The following ADAMTSL1 variants were observed in gnomAD, a reference collection of about 807,000 sequenced individuals.
ADAMTSL1 encodes the protein ADAMTS-like protein 1.
In ADAMTSL1, 126 loss-of-function variants were observed where a neutral mutation model predicts 201.8. The ratio of observed to expected loss-of-function variants is 0.62; its 90% CI spans 0.54 to 0.72. The LOEUF (loss-of-function observed/expected upper bound fraction) is 0.72. Ranked by LOEUF, ADAMTSL1 falls within the 30% of genes least tolerant of loss-of-function variation. The pLI is 0.00. For missense variants in ADAMTSL1, 2,679 were observed against 2,277.8 expected (o/e 1.18, Z -3.59); for synonymous variants, 1,121 against 903.4 (o/e 1.24, Z -4.32).
chr9:18,703,701 C>CATATAT (rs72258520), intron 13 of ADAMTSL1, among the ~76,000 whole-genome samples: 1,181 of 78,692 alleles, frequency 0.015, 48 homozygotes, highest in African/African-American at 0.027. Flanking sequence ...TGCGCACATA[C>CATATAT]ATATATATAT....
At chr9:18,567,235 C>T (rs929823079) in intron 3 of ADAMTSL1, among the ~76,000 whole-genome samples, 10 of 152,086 alleles carry the variant, frequency 6.6e-5, no homozygotes, top group African/African-American at 2.4e-4. Context: ...GAGGCTGAGG[C>T]AGGTGGATCT....
At chr9:18,000,413 T>G (rs1247881547) in intron 1 of ADAMTSL1, among the ~76,000 whole-genome samples, 4 of 152,024 alleles carry the variant, frequency 2.6e-5, no homozygotes, top group African/African-American at 9.6e-5. Context: ...CCACCCCTCA[T>G]CCGGTTTTCT....
At chr9:18,684,412 C>A (rs868217803) in intron 12 of ADAMTSL1, among the ~76,000 whole-genome samples, 1 of 152,126 alleles carries the variant, frequency 6.6e-6, no homozygotes, top group African/African-American at 2.4e-5. Context: ...AAAGATACTT[C>A]GATGATTCTT....
At chr9:18,223,610 T>C (rs1052821484) in intron 2 of ADAMTSL1, among the ~76,000 whole-genome samples, 1 of 152,174 alleles carries the variant, frequency 6.6e-6, no homozygotes, top group Non-Finnish European at 1.5e-5. Context: ...ATTTTTCAAA[T>C]ATGCTTAGTT....
chr9:18,406,125 C>T (rs975791667), intron 2 of ADAMTSL1, among the ~76,000 whole-genome samples: 1 of 152,186 alleles, frequency 6.6e-6, no homozygotes, highest in Non-Finnish European at 1.5e-5. Context: ...ATCTTCTCTT[C>T]ACTAATTCAT....
At chr9:18,162,468 G>A (rs542130087) in intron 1 of ADAMTSL1, among the ~76,000 whole-genome samples, 9 of 152,030 alleles carry the variant, frequency 5.9e-5, no homozygotes, top group East Asian at 1.9e-4. Flanking sequence ...GGTGCTGGGG[G>A]CCAAGATTCT....
intron 1 of ADAMTSL1, among the ~76,000 whole-genome samples, chr9:17,937,199 G>C (rs1827043798): frequency 6.6e-6 from 1 of 152,114 alleles, no homozygotes; most frequent in Non-Finnish European, 1.5e-5. Flanking sequence ...GCTGCAGATA[G>C]TGATGAAGGA....
chr9:17,960,085 A>G (rs192723287), intron 1 of ADAMTSL1, among the ~76,000 whole-genome samples: 21 of 152,264 alleles, frequency 1.4e-4, no homozygotes, highest in Admixed American at 1.2e-3. Context: ...TGGCTTCATG[A>G]TCCTTAGCTC....
At chr9:18,095,088 A>G (rs184165780) in intron 1 of ADAMTSL1, among the ~76,000 whole-genome samples, 265 of 152,320 alleles carry the variant, frequency 1.7e-3, no homozygotes, top group Middle Eastern at 6.8e-3. Context: ...CGCAGCTTAC[A>G]GAGACACCTG....
chr9:18,089,671 A>T (rs1404816389), intron 1 of ADAMTSL1, among the ~76,000 whole-genome samples: 1 of 152,208 alleles, frequency 6.6e-6, no homozygotes, highest in East Asian at 1.9e-4. Flanking sequence ...CAGTCACAGA[A>T]TGACAAATAT....
intron 1 of ADAMTSL1, among the ~76,000 whole-genome samples, chr9:17,928,768 T>C (rs895314432): frequency 3.3e-5 from 5 of 152,268 alleles, no homozygotes; most frequent in African/African-American, 1.2e-4. Flanking sequence ...AAATAAATTA[T>C]ATATTTTTTG....
intron 1 of ADAMTSL1, among the ~76,000 whole-genome samples, chr9:17,972,178 TA>T (rs1818230425): frequency 6.6e-6 from 1 of 150,916 alleles, no homozygotes; most frequent in African/African-American, 2.4e-5. Flanking sequence ...TTATTATTAT[TA>T]TACTTTAAGT....
chr9:18,578,677 C>T (rs112460272), intron 4 of ADAMTSL1, among the ~76,000 whole-genome samples: 15,764 of 152,020 alleles, frequency 0.1, 945 homozygotes, highest in Middle Eastern at 0.16. Context: ...CTTACTATGC[C>T]GCAATAAACA....
Position 18,905,852 on chromosome 9 carries a change from G to GC in ADAMTSL1, c.4923dup (p.Ile1642HisfsTer64), listed in dbSNP as rs1273039728. On this transcript the variant is annotated frameshift_variant, in exon 27 of 29. Coordinates refer to ENST00000380548, the MANE Select transcript of ADAMTSL1 (RefSeq NM_001040272.6). LOFTEE classifies it high-confidence loss of function. ...CAAGTCTTCTGCCAGACACGGGATGGCATCACCTTACCATCAGAGCAGTGC... is the reference window on the plus strand; with the variant it reads ...CAAGTCTTCTGCCAGACACGGGATGGCCATCACCTTACCATCAGAGCAGTGC... The GC allele has an allele frequency of 6.2e-7, 1 of 1,613,272 alleles. No homozygotes were observed. Among genetic ancestry groups the GC allele is most frequent in the East Asian group, 2.2e-5 (1 of 44,882 alleles).
intron 2 of ADAMTSL1, among the ~76,000 whole-genome samples, chr9:18,226,137 A>G (rs1830428849): frequency 6.6e-6 from 1 of 152,202 alleles, no homozygotes; most frequent in African/African-American, 2.4e-5. Context: ...GCAGACAAAG[A>G]TGCCATTTTT....
intron 3 of ADAMTSL1, among the ~76,000 whole-genome samples, chr9:18,569,463 A>T (rs1353615550): frequency 6.6e-6 from 1 of 152,210 alleles, no homozygotes; most frequent in East Asian, 1.9e-4. Context: ...TTAGCCCAGT[A>T]ACATGACACA....
chr9:18,153,893 A>G (rs921210684), intron 1 of ADAMTSL1, among the ~76,000 whole-genome samples: 8 of 152,048 alleles, frequency 5.3e-5, no homozygotes, highest in Admixed American at 1.3e-4. Flanking sequence ...ACCATCCATT[A>G]AGATGGAAAT....
In ADAMTSL1 at chr9:18,905,903, C is replaced by G; in HGVS notation, c.4961+12C>G. Reference sequence around the variant, plus strand: ...AGTGCTCTTCCGAGGTAAGAGAAAGCCCTGAATCTCCTTTTCCCAGCCCCA... The same window carrying G: ...AGTGCTCTTCCGAGGTAAGAGAAAGGCCTGAATCTCCTTTTCCCAGCCCCA... On this transcript the variant is annotated intron_variant, in intron 27 of 28. Transcript: ENST00000380548. 1 of 1,585,818 alleles carries G rather than the reference C, an allele frequency of 6.3e-7. No homozygotes were observed. Among genetic ancestry groups the G allele is most frequent in the East Asian group, 2.3e-5 (1 of 44,330 alleles).
intron 3 of ADAMTSL1, among the ~76,000 whole-genome samples, chr9:18,547,698 T>C (rs1168109444): frequency 1.3e-5 from 2 of 150,804 alleles, no homozygotes; most frequent in Non-Finnish European, 3.0e-5. Flanking sequence ...TCTGAAATTG[T>C]GTGTCTAAAA....
Sources: gnomAD v4.1 joint callset for allele counts (sites outside exome capture counted in the v4.1 genomes callset) on GRCh38, gnomAD v4.1.1 for gene constraint, MANE v1.5 for transcripts, NCBI Gene and HGNC (gene_info 2026-07-23, HGNC 2026-07-21) for gene names.